Variants in MARCHF10 observed in about 807,000 individuals in gnomAD.
MARCHF10 encodes the protein membrane associated ring-CH-type finger 10, also known as probable E3 ubiquitin-protein ligase MARCHF10.
A neutral mutation model predicts 76.2 loss-of-function variants in MARCHF10; 64 were observed. The ratio of observed to expected loss-of-function variants is 0.84; its 90% CI spans 0.69 to 1.03. The LOEUF (loss-of-function observed/expected upper bound fraction) is 1.03, where lower values mean the gene tolerates loss of function less well. Ranked by LOEUF, MARCHF10 falls within the 50% of genes least tolerant of loss-of-function variation. The probability of loss-of-function intolerance (pLI) is 0.00; values close to 1 mark genes in which losing one functional copy is unlikely to be tolerated. For missense variants in MARCHF10, 875 were observed against 958.0 expected (o/e 0.91, Z 1.14); for synonymous variants, 340 against 357.5 (o/e 0.95, Z 0.55).
At chr17:62,782,886 C>G (rs560868280) in intron 3 of MARCHF10, among the ~76,000 whole-genome samples, 11 of 152,182 alleles carry the variant, frequency 7.2e-5, no homozygotes, top group Non-Finnish European at 1.3e-4. Flanking sequence ...TCCTCTCACC[C>G]TGCCCTTCCT....
In MARCHF10 at chr17:62,801,635, T is replaced by C; in HGVS notation, c.90+11A>G. 2 of 1,611,056 alleles carry C rather than the reference T, an allele frequency of 1.2e-6. No homozygotes were observed. The highest frequency in any genetic ancestry group is 1.7e-6 in the Non-Finnish European group (2 of 1,177,266). On this transcript the variant is annotated intron_variant, in intron 2 of 10. Coordinates refer to ENST00000311269, the MANE Select transcript of MARCHF10 (RefSeq NM_152598.4). ...AGAAGGCAGAAGACCATTCTTGCTT[T>C]CTGCAATTACCTGATACTCAGAGTC... is the stretch of plus-strand genomic sequence containing the variant.
chr17:62,730,286 C>G (rs1167128032), intron 6 of MARCHF10, among the ~76,000 whole-genome samples: 1 of 152,132 alleles, frequency 6.6e-6, no homozygotes, highest in Non-Finnish European at 1.5e-5. Flanking sequence ...GCATTTCACG[C>G]AGTGAAAGTC....
intron 2 of MARCHF10, among the ~76,000 whole-genome samples, chr17:62,791,350 G>T (rs2092838979): frequency 6.6e-6 from 1 of 152,196 alleles, no homozygotes; most frequent in Admixed American, 6.5e-5. Flanking sequence ...AGAAGAAAAT[G>T]CTGATGGGCT....
chr17:62,744,874 A>G (rs1024164537), intron 4 of MARCHF10, among the ~76,000 whole-genome samples: 5 of 149,288 alleles, frequency 3.3e-5, no homozygotes, highest in African/African-American at 5.1e-5. Context: ...TTAGCTGGGC[A>G]TGGTGGCGCA....
chr17:62,792,528 T>TCC (rs1391361760), intron 2 of MARCHF10, among the ~76,000 whole-genome samples: 1 of 146,222 alleles, frequency 6.8e-6, no homozygotes, highest in African/African-American at 2.6e-5. Context: ...CATCACCATC[T>TCC]CCATCACCAC....
chr17:62,795,281 G>C (rs2092964713), intron 2 of MARCHF10, among the ~76,000 whole-genome samples: 1 of 142,570 alleles, frequency 7.0e-6, no homozygotes. Flanking sequence ...GAAATGCCAA[G>C]TGTAATCTTT....
intron 10 of MARCHF10, chr17:62,704,917 T>A: frequency 1.0e-6 from 1 of 984,692 alleles, no homozygotes; most frequent in Non-Finnish European, 1.2e-6. Context: ...CGAGCCCGCC[T>A]GCTTTATTAA....
chr17:62,767,319 A>G (rs1389004967), intron 3 of MARCHF10, among the ~76,000 whole-genome samples: 1 of 152,234 alleles, frequency 6.6e-6, no homozygotes, highest in Admixed American at 6.5e-5. Context: ...TTTGTAAAGC[A>G]TAATTCTTTT....
In MARCHF10 at chr17:62,736,432, G is replaced by A. The variant is rs1243405286; in HGVS notation, c.1436C>T (p.Ser479Phe). 6.2e-7 allele frequency: 1 copy of A among 1,614,106 alleles called. No homozygotes were observed. The highest frequency in any genetic ancestry group is 1.1e-5 in the South Asian group (1 of 91,078). Residue 479 changes from serine to phenylalanine, a missense_variant, in exon 6 of 11, where the codon TCT becomes TTT. Ser to Phe is a radical substitution (Grantham distance 155). Transcript: ENST00000311269. ...SYNPPASFMH[S>F]ALRDDIPVDL... The stretch of plus-strand genomic sequence containing the variant: ...TACTGGAATATCATCTCTCAGAGCA[G>A]AATGCATGAATGATGCAGGAGGGTT...
chr17:62,781,971 TATTTCGAGTTTTCA>T (rs2148074573), intron 3 of MARCHF10, among the ~76,000 whole-genome samples: 2 of 152,278 alleles, frequency 1.3e-5, no homozygotes, highest in African/African-American at 4.8e-5. Context: ...AGGCAAATGC[TATTTCGAGTTTTCA>T]GGTGCTGCAA....
chr17:62,773,842 G>C (rs2092494362), intron 3 of MARCHF10, among the ~76,000 whole-genome samples: 1 of 152,248 alleles, frequency 6.6e-6, no homozygotes. Flanking sequence ...AGGAATTCCA[G>C]AGGCTGTGGC....
chr17:62,755,033 T>C (rs1568165060), intron 4 of MARCHF10, among the ~76,000 whole-genome samples: 1 of 152,228 alleles, frequency 6.6e-6, no homozygotes, highest in Non-Finnish European at 1.5e-5. Flanking sequence ...TTTTCTTAGC[T>C]TTACAAGAAC....
intron 3 of MARCHF10, among the ~76,000 whole-genome samples, chr17:62,779,059 T>C (rs1005259642): frequency 6.6e-6 from 1 of 152,220 alleles, no homozygotes; most frequent in Non-Finnish European, 1.5e-5. Context: ...TCTCTCTCCA[T>C]GACGTGCGTT....
Position 62,736,511 on chromosome 17 carries a change from A to C in MARCHF10, c.1357T>G (p.Tyr453Asp), listed in dbSNP as rs1255140678. ...YLNSSQNSLD[Y>D]FISGRPISPR... Reference sequence around the variant, plus strand: ...GATATTGGTCTGCCAGAAATAAAGTAGTCAAGAGAATTTTGAGAACTGTTT... The same window carrying C: ...GATATTGGTCTGCCAGAAATAAAGTCGTCAAGAGAATTTTGAGAACTGTTT... The change falls in exon 6 of 11, where the codon TAC becomes GAC. Residue 453 changes from tyrosine to aspartate, a missense_variant. Coordinates refer to ENST00000311269, the MANE Select transcript of MARCHF10 (RefSeq NM_152598.4). The C allele has an allele frequency of 1.9e-6, 3 of 1,614,212 alleles. No individual in the cohort carries two copies. In the East Asian group the frequency reaches 6.7e-5, roughly 36 times the overall value.
At chr17:62,764,530 G>A (rs1228844767) in intron 3 of MARCHF10, among the ~76,000 whole-genome samples, 3 of 152,196 alleles carry the variant, frequency 2.0e-5, no homozygotes, top group African/African-American at 4.8e-5. Context: ...GATTATAAAG[G>A]AGTGTGATCA....
intron 4 of MARCHF10, chr17:62,750,195 T>C (rs1414343492): frequency 6.5e-6 from 1 of 152,814 alleles, no homozygotes; most frequent in Non-Finnish European, 1.5e-5. Flanking sequence ...CTTGCAAGAG[T>C]GACTTACCAC....
chr17:62,784,108 C>T (rs181544312), intron 3 of MARCHF10, among the ~76,000 whole-genome samples: 2 of 152,252 alleles, frequency 1.3e-5, no homozygotes, highest in East Asian at 1.9e-4. Context: ...TGATGAACAT[C>T]GATGCGAAAA....
At chr17:62,795,151 T>A (rs544948559) in intron 2 of MARCHF10, 1 of 507,726 alleles carries the variant, frequency 2.0e-6, no homozygotes, top group East Asian at 1.5e-4. Flanking sequence ...GCCTATCGTG[T>A]CCTTGAACAC....
At chr17:62,720,860 A>AT (rs56688878) in intron 8 of MARCHF10, among the ~76,000 whole-genome samples, 8,539 of 87,904 alleles carry the variant, frequency 0.097, 783 homozygotes, top group African/African-American at 0.18. Context: ...GTAAGTTGTG[A>AT]TTTTTTTTTT....
Sources: gnomAD v4.1 joint callset for allele counts (sites outside exome capture counted in the v4.1 genomes callset) on GRCh38, gnomAD v4.1.1 for gene constraint, MANE v1.5 for transcripts, NCBI Gene and HGNC (gene_info 2026-07-23, HGNC 2026-07-21) for gene names.